The following CACNA1E variants were observed in gnomAD, a reference collection of about 807,000 sequenced individuals.
CACNA1E encodes the protein voltage-dependent R-type calcium channel subunit alpha-1E.
CACNA1E carries 40 observed loss-of-function variants against 259.2 expected under a neutral mutation model. The ratio of observed to expected loss-of-function variants is 0.15; its 90% CI spans 0.12 to 0.20. CACNA1E has a LOEUF of 0.20. Ranked by LOEUF, CACNA1E falls within the 10% of genes least tolerant of loss-of-function variation. CACNA1E has a pLI of 1.00. For synonymous variants in CACNA1E, 1,104 were observed against 1,138.5 expected (o/e 0.97, Z 0.61); for missense variants, 1,874 against 3,040.1 (o/e 0.62, Z 9.02).
chr1:181,775,311 G>A (rs1211573514), intron 37 of CACNA1E, among the ~76,000 whole-genome samples: 1 of 152,148 alleles, frequency 6.6e-6, no homozygotes, highest in Non-Finnish European at 1.5e-5. Flanking sequence ...TGGGTGAGCA[G>A]GGCAGCCAGG....
At chr1:181,749,188 C>CA (rs1226501310) in intron 25 of CACNA1E, among the ~76,000 whole-genome samples, 1 of 151,874 alleles carries the variant, frequency 6.6e-6, no homozygotes, top group Non-Finnish European at 1.5e-5. Context: ...CATACGTTGG[C>CA]AAAAAATAAG....
chr1:181,384,414 A>T (rs2102009226), intron 1 of CACNA1E, among the ~76,000 whole-genome samples: 1 of 152,172 alleles, frequency 6.6e-6, no homozygotes, highest in East Asian at 1.9e-4. Flanking sequence ...TTGAGCTCCC[A>T]ATCTTTCTTC....
In CACNA1E at chr1:181,785,940, T is replaced by G. The variant is rs999289415; in HGVS notation, c.5786+121T>G. 70 of 666,530 alleles carry G rather than the reference T, an allele frequency of 1.1e-4. No individual in the cohort carries two copies. In the South Asian group the frequency reaches 1.1e-3, roughly 11 times the overall value. 41.3% of individuals were successfully genotyped at this position (666,530 alleles called of 1,614,324 possible). On this transcript the variant is annotated intron_variant, in intron 43 of 47. Coordinates refer to ENST00000367573, the MANE Select transcript of CACNA1E (RefSeq NM_001205293.3). ...GAACAAATACTCTGAGCTTGAGTGA[T>G]CCTTTTTCTGAAGTTGAATATCTTA... is the stretch of plus-strand genomic sequence containing the variant.
chr1:181,432,093 G>A (rs1659757027), intron 2 of CACNA1E, among the ~76,000 whole-genome samples: 1 of 152,160 alleles, frequency 6.6e-6, no homozygotes, highest in Admixed American at 6.5e-5. Flanking sequence ...TTTCCCTACA[G>A]CCCACCTAGT....
upstream of CACNA1E, among the ~76,000 whole-genome samples, chr1:181,482,080 G>A (rs1663303106): frequency 6.6e-6 from 1 of 152,224 alleles, no homozygotes; most frequent in Non-Finnish European, 1.5e-5. Flanking sequence ...GCAGAGTGTG[G>A]AACCCCCAGA....
chr1:181,394,781 CA>C (rs1323324018), intron 1 of CACNA1E, among the ~76,000 whole-genome samples: 1 of 152,092 alleles, frequency 6.6e-6, no homozygotes, highest in Non-Finnish European at 1.5e-5. Flanking sequence ...GCATTCCAGA[CA>C]GAAGAAACAG....
intron 3 of CACNA1E, among the ~76,000 whole-genome samples, chr1:181,557,799 T>TG (rs1189572006): frequency 6.6e-6 from 1 of 152,068 alleles, no homozygotes; most frequent in Non-Finnish European, 1.5e-5. Context: ...CGGCACTCTG[T>TG]GGGGAAAGGA....
intron 7 of CACNA1E, among the ~76,000 whole-genome samples, chr1:181,652,927 C>T (rs1658888413): frequency 6.6e-6 from 1 of 151,882 alleles, no homozygotes. Flanking sequence ...GTGCGTAGTC[C>T]AGCCCACTTC....
chr1:181,691,667 C>A (rs1651171029), intron 7 of CACNA1E, among the ~76,000 whole-genome samples: 1 of 151,902 alleles, frequency 6.6e-6, no homozygotes, highest in Non-Finnish European at 1.5e-5. Context: ...AGAAACATAC[C>A]TCAAAATAAT....
intron 7 of CACNA1E, among the ~76,000 whole-genome samples, chr1:181,659,340 G>A (rs888964123): frequency 2.0e-5 from 3 of 152,208 alleles, no homozygotes; most frequent in African/African-American, 7.2e-5. Flanking sequence ...ATTTAAAGAG[G>A]AAGTATGGAT....
At position 181,716,057 on chromosome 1, in the gene CACNA1E, A is replaced by G; in HGVS notation, c.1243A>G (p.Ile415Val). 1 of 1,570,892 alleles carries G rather than the reference A, an allele frequency of 6.4e-7. No homozygotes were observed. The change falls in exon 10 of 48, where the codon ATC becomes GTC. Residue 415 changes from isoleucine (I) to valine (V), a missense_variant. Ile to Val is a conservative substitution (Grantham distance 29). Coordinates refer to ENST00000367573, the MANE Select transcript of CACNA1E (RefSeq NM_001205293.3). Reference sequence around the variant, plus strand: ...TGATGCAGTGCTTCGAAGGGCAACCATCAAGAGGAGCCGGACAGAGGCCAT... The same window carrying G: ...TGATGCAGTGCTTCGAAGGGCAACCGTCAAGAGGAGCCGGACAGAGGCCAT... ...SALEVLRRAT[I>V]KRSRTEAMTR...
intron 1 of CACNA1E, among the ~76,000 whole-genome samples, chr1:181,486,336 C>T (rs1191703679): frequency 6.6e-6 from 1 of 152,228 alleles, no homozygotes; most frequent in Non-Finnish European, 1.5e-5. Context: ...CAGGGAACAT[C>T]TGCTAAGGTG....
At chr1:181,779,504 C>T (rs771128791) in intron 38 of CACNA1E, 1 of 455,254 alleles carries the variant, frequency 2.2e-6, no homozygotes, top group Non-Finnish European at 4.4e-6. Context: ...TCCTCTGGGC[C>T]TGGGAGAGAA....
At chr1:181,541,672 A>G (rs768293468) in intron 3 of CACNA1E, among the ~76,000 whole-genome samples, 3 of 152,190 alleles carry the variant, frequency 2.0e-5, no homozygotes, top group Admixed American at 6.5e-5. Flanking sequence ...CAAGCAGAGG[A>G]GCACATGTTA....
intron 6 of CACNA1E, among the ~76,000 whole-genome samples, chr1:181,628,827 A>G (rs565655575): frequency 5.5e-4 from 84 of 152,258 alleles, no homozygotes; most frequent in South Asian, 4.4e-3. Context: ...TTTAACATTC[A>G]TTACTGATTG....
At chr1:181,504,069 T>C (rs1238662981) in intron 1 of CACNA1E, among the ~76,000 whole-genome samples, 2 of 152,210 alleles carry the variant, frequency 1.3e-5, no homozygotes, top group African/African-American at 4.8e-5. Context: ...GGATGATATT[T>C]ATGTGCACAT....
chr1:181,667,556 C>G (rs1190399044), intron 7 of CACNA1E, among the ~76,000 whole-genome samples: 1 of 152,056 alleles, frequency 6.6e-6, no homozygotes, highest in Non-Finnish European at 1.5e-5. Flanking sequence ...ATATGATACA[C>G]TATCAGAACA....
chr1:181,464,526 T>C (rs549294055), intron 2 of CACNA1E, among the ~76,000 whole-genome samples: 1 of 152,046 alleles, frequency 6.6e-6, no homozygotes, highest in Admixed American at 6.5e-5. Flanking sequence ...GTTTTAGGTG[T>C]ACCAGAACTT....
chr1:181,729,447 G>A (rs949696888), intron 18 of CACNA1E, among the ~76,000 whole-genome samples: 1 of 152,212 alleles, frequency 6.6e-6, no homozygotes, highest in African/African-American at 2.4e-5. Context: ...TGCAAACATG[G>A]CTATCCATGA....
Sources: allele counts gnomAD v4.1 joint callset (sites outside exome capture counted in the v4.1 genomes callset), GRCh38; gene constraint gnomAD v4.1.1; transcripts MANE v1.5; gene names NCBI Gene and HGNC (gene_info 2026-07-23, HGNC 2026-07-21).